Variants in STRN observed in about 807,000 individuals in gnomAD.
The protein encoded by STRN is striatin, also known as protein phosphatase 2 regulatory subunit B'''alpha.
Under a neutral mutation model 96.3 loss-of-function variants are expected in STRN, and 53 were observed. The observed-to-expected ratio is 0.55, with a 90% CI of 0.44 to 0.69. The LOEUF (loss-of-function observed/expected upper bound fraction) is 0.69. Ranked by LOEUF, STRN falls within the 30% of genes least tolerant of loss-of-function variation. STRN has a pLI of 0.00. For synonymous variants in STRN, 428 were observed against 355.9 expected (o/e 1.20, Z -2.28); for missense variants, 987 against 963.9 (o/e 1.02, Z -0.32).
rs114639587 is a variant in STRN, at chr2:36,903,738, G to T, written c.492-987C>A. Reference sequence around the variant, plus strand: ...ATATATGTGATCAAAGGGAGTAAGTGTATCTTACCAAATCAAGATGCTCAT... The same window carrying T: ...ATATATGTGATCAAAGGGAGTAAGTTTATCTTACCAAATCAAGATGCTCAT... On this transcript the variant is annotated intron_variant, in intron 4 of 17. Coordinates refer to ENST00000263918, the MANE Select transcript of STRN (RefSeq NM_003162.4). 8.1e-3 allele frequency among the ~76,000 whole-genome samples: 1,238 copies of T among 152,220 alleles called. 13 individuals carry two copies. The highest frequency in any genetic ancestry group is 0.028 in the African/African-American group (1,171 of 41,524).
intron 1 of STRN, among the ~76,000 whole-genome samples, chr2:36,926,142 C>T (rs1031524618): frequency 4.6e-5 from 7 of 152,100 alleles, no homozygotes; most frequent in African/African-American, 1.7e-4. Context: ...CAAGGAATTA[C>T]TAAAACCCTA....
At chr2:36,917,696 C>A (rs919473006) in intron 2 of STRN, among the ~76,000 whole-genome samples, 6 of 151,748 alleles carry the variant, frequency 4.0e-5, no homozygotes, top group South Asian at 2.1e-4. Context: ...TCTAAGAAAA[C>A]CTATGAAAAT....
chr2:36,928,808 G>A (rs1051802381), intron 1 of STRN, among the ~76,000 whole-genome samples: 7 of 151,394 alleles, frequency 4.6e-5, no homozygotes, highest in Non-Finnish European at 5.9e-5. Context: ...AATTAGCCGG[G>A]CGTGGTGGCA....
At chr2:36,879,348 G>C (rs1669007248) in intron 9 of STRN, among the ~76,000 whole-genome samples, 1 of 152,240 alleles carries the variant, frequency 6.6e-6, no homozygotes, top group Non-Finnish European at 1.5e-5. Flanking sequence ...GGGGATACAG[G>C]CGTGAGCCAC....
intron 1 of STRN, among the ~76,000 whole-genome samples, chr2:36,938,545 G>C (rs779461208): frequency 2.0e-5 from 3 of 152,110 alleles, no homozygotes; most frequent in African/African-American, 7.2e-5. Context: ...TCACTTACTG[G>C]GTAAGTAAGT....
At position 36,932,522 on chromosome 2, in the gene STRN, TTTTA is replaced by T. The variant is rs569737546; in HGVS notation, c.235-7318_235-7315del. 6.6e-5 allele frequency among the ~76,000 whole-genome samples: 10 copies of T among 152,314 alleles called. No individual in the cohort carries two copies. The East Asian group carries it at 1.9e-3, about 29-fold the overall frequency. ...CCTAATAAATAAAATTACTGTACCA[TTTTA>T]TTTATTTACCTATTGTCACATTTCA... On this transcript the variant is annotated intron_variant, in intron 1 of 17. Transcript: ENST00000263918.
intron 1 of STRN, among the ~76,000 whole-genome samples, chr2:36,943,909 G>A (rs1670913003): frequency 6.6e-6 from 1 of 151,984 alleles, no homozygotes; most frequent in Non-Finnish European, 1.5e-5. Context: ...CTGAGGTCAG[G>A]AGTTCGAGAC....
intron 15 of STRN, among the ~76,000 whole-genome samples, chr2:36,853,116 C>T (rs1296370021): frequency 6.6e-6 from 1 of 151,774 alleles, no homozygotes; most frequent in Admixed American, 6.6e-5. Flanking sequence ...GAGATCGCAC[C>T]ACTGCACTCC....
chr2:36,943,564 G>T (rs1050880388), intron 1 of STRN, among the ~76,000 whole-genome samples: 7 of 150,684 alleles, frequency 4.6e-5, no homozygotes, highest in African/African-American at 1.7e-4. Flanking sequence ...CAGCACTTCG[G>T]GAGGCTGAGG....
At chr2:36,960,207 G>A (rs574867449) in intron 1 of STRN, among the ~76,000 whole-genome samples, 8 of 152,310 alleles carry the variant, frequency 5.3e-5, no homozygotes, top group African/African-American at 1.9e-4. Flanking sequence ...TACCCATGAT[G>A]TAATGCAAAG....
chr2:36,943,434 C>G (rs1284321310), intron 1 of STRN, among the ~76,000 whole-genome samples: 2 of 151,672 alleles, frequency 1.3e-5, no homozygotes, highest in Non-Finnish European at 2.9e-5. Context: ...TTTTACGAAG[C>G]TCTTACTATG....
intron 7 of STRN, among the ~76,000 whole-genome samples, chr2:36,890,988 A>G (rs1234247498): frequency 6.6e-6 from 1 of 152,158 alleles, no homozygotes; most frequent in East Asian, 1.9e-4. Context: ...TTGGGACTAG[A>G]AGTATTTCGG....
At chr2:36,913,119 T>G (rs1422487066) in intron 3 of STRN, among the ~76,000 whole-genome samples, 1 of 152,182 alleles carries the variant, frequency 6.6e-6, no homozygotes, top group East Asian at 1.9e-4. Flanking sequence ...CTCTAACCAG[T>G]TGCCCCATCT....
chr2:36,960,010 C>T (rs924311343), intron 1 of STRN, among the ~76,000 whole-genome samples: 1 of 152,062 alleles, frequency 6.6e-6, no homozygotes, highest in Middle Eastern at 3.2e-3. Flanking sequence ...GCCTCTATAA[C>T]CTTTCTAAAA....
chr2:36,847,457 C>T lies in STRN; in HGVS notation c.*1999G>A, dbSNP rs1370107195. ...TTAGGTTAGAAACATTCTTTCTTCA[C>T]TGTGAAGAACCAAAAGAAATTTACT... On this transcript the variant is annotated 3_prime_UTR_variant, in exon 18 of 18. Coordinates refer to ENST00000263918, the MANE Select transcript of STRN (RefSeq NM_003162.4). 1 of 152,124 alleles carries T rather than the reference C, an allele frequency of 6.6e-6. No individual in the cohort carries two copies. The highest frequency in any genetic ancestry group is 2.4e-5 in the African/African-American group (1 of 41,432). 9.4% of individuals were successfully genotyped at this position (152,124 alleles called of 1,614,324 possible). A position where few individuals can be genotyped will look rare whatever the true frequency, so the allele number is the denominator to read the frequency against.
At chr2:36,939,543 T>C (rs187845408) in intron 1 of STRN, among the ~76,000 whole-genome samples, 27 of 151,796 alleles carry the variant, frequency 1.8e-4, no homozygotes, top group Non-Finnish European at 5.9e-5. Flanking sequence ...TCTTTCCTTA[T>C]TATTATTATT....
chr2:36,933,350 T>C (rs371748615), intron 1 of STRN, among the ~76,000 whole-genome samples: 1 of 152,310 alleles, frequency 6.6e-6, no homozygotes. Context: ...TTGTATTGGA[T>C]GGGGGAGTTC....
In STRN at chr2:36,966,400, TGGCACCGCC is replaced by T. The variant is rs764777477; in HGVS notation, c.55_63del (p.Gly19_Ala21del). On this transcript the variant is annotated inframe_deletion, in exon 1 of 18. Coordinates refer to ENST00000263918, the MANE Select transcript of STRN (RefSeq NM_003162.4). Reference sequence around the variant, plus strand: ...GCCTCCGCCAGAGGCCCGAGCCCCTTGGCACCGCCGGCGCCCGGGTGGTTGTTGCTGAAG... The same window carrying T: ...GCCTCCGCCAGAGGCCCGAGCCCCTTGGCGCCCGGGTGGTTGTTGCTGAAG... 19 of 1,459,120 alleles carry T rather than the reference TGGCACCGCC, an allele frequency of 1.3e-5. No homozygotes were observed. In the African/African-American group the frequency reaches 2.2e-4, roughly 17 times the overall value. The allele number at this position is 1,459,120 out of a possible 1,614,324, so 90.4% of individuals were successfully genotyped here. A position where few individuals can be genotyped will look rare whatever the true frequency, so the allele number is the denominator to read the frequency against.
At chr2:36,918,196 A>G (rs983590784) in intron 2 of STRN, among the ~76,000 whole-genome samples, 7 of 152,154 alleles carry the variant, frequency 4.6e-5, no homozygotes. Flanking sequence ...CATCTAGTTC[A>G]ATGTATTTGT....
Sources: gnomAD v4.1 joint callset for allele counts (sites outside exome capture counted in the v4.1 genomes callset) on GRCh38, gnomAD v4.1.1 for gene constraint, MANE v1.5 for transcripts, NCBI Gene and HGNC (gene_info 2026-07-23, HGNC 2026-07-21) for gene names.